The following TOGARAM2 variants were observed in gnomAD, a reference collection of about 807,000 sequenced individuals.
TOGARAM2 encodes TOG array regulator of axonemal microtubules protein 2.
In TOGARAM2, 85 loss-of-function variants were observed where a neutral mutation model predicts 93.3. The ratio of observed to expected loss-of-function variants is 0.91; its 90% CI spans 0.76 to 1.09. The LOEUF (loss-of-function observed/expected upper bound fraction) is 1.09, where lower values mean the gene tolerates loss of function less well. Ranked by LOEUF, TOGARAM2 falls within the 50% of genes least tolerant of loss-of-function variation. The pLI, the probability that TOGARAM2 is intolerant of heterozygous loss-of-function variation, is 0.00. For synonymous variants in TOGARAM2, 593 were observed against 552.8 expected (o/e 1.07, Z -1.02); for missense variants, 1,277 against 1,334.5 (o/e 0.96, Z 0.67).
intron 18 of TOGARAM2, among the ~76,000 whole-genome samples, chr2:29,037,420 G>A (rs1304918006): frequency 7.2e-5 from 11 of 152,218 alleles, no homozygotes; most frequent in Admixed American, 6.5e-4. Context: ...TCCCAAACAA[G>A]CCTTGCTTCA....
intron 10 of TOGARAM2, 95 bp from the exon 11 acceptor site, chr2:29,022,063 C>T: frequency 6.5e-7 from 1 of 1,534,522 alleles, no homozygotes; most frequent in Admixed American, 1.7e-5. Flanking sequence ...AGGGTGGTGG[C>T]ACGGCCTCCC....
At chr2:29,024,409 G>T in intron 13 of TOGARAM2, 35 bp downstream of exon 13, 1 of 1,482,308 alleles carries the variant, frequency 6.7e-7, no homozygotes, top group Non-Finnish European at 9.1e-7. Flanking sequence ...GGGCGGGGAA[G>T]TCAGGGAAGG....
upstream of TOGARAM2, among the ~76,000 whole-genome samples, chr2:28,977,173 CTTG>C (rs1475552237): frequency 3.9e-5 from 6 of 152,324 alleles, no homozygotes; most frequent in East Asian, 9.6e-4. Flanking sequence ...AGGGCAGGGA[CTTG>C]TTGGAGGGCA....
At chr2:29,027,388 T>G (rs1665468620) in intron 14 of TOGARAM2, among the ~76,000 whole-genome samples, 1 of 152,194 alleles carries the variant, frequency 6.6e-6, no homozygotes, top group Admixed American at 6.5e-5. Flanking sequence ...GAAGTCCCTA[T>G]TGTATTGGAG....
At chr2:28,983,913 G>A (rs1572630215) in intron 1 of TOGARAM2, among the ~76,000 whole-genome samples, 1 of 152,018 alleles carries the variant, frequency 6.6e-6, no homozygotes, top group Admixed American at 6.5e-5. Context: ...TTGAGCATCT[G>A]CCCCCAGCCA....
intron 1 of TOGARAM2, among the ~76,000 whole-genome samples, chr2:28,988,270 A>C (rs1347934150): frequency 6.6e-6 from 1 of 152,192 alleles, no homozygotes; most frequent in Non-Finnish European, 1.5e-5. Context: ...CTAAAGTCAG[A>C]ATATGTCTCC....
At chr2:29,015,676 C>T (rs1336049983) in intron 8 of TOGARAM2, among the ~76,000 whole-genome samples, 4 of 152,318 alleles carry the variant, frequency 2.6e-5, no homozygotes, top group Admixed American at 1.3e-4. Flanking sequence ...AATGCAGCCA[C>T]GGTTAGTCCT....
Position 29,004,720 on chromosome 2 carries a change from G to A in TOGARAM2, c.830+1038G>A, listed in dbSNP as rs115472521. Among the ~76,000 whole-genome samples the A allele has an allele frequency of 5.6e-3, 813 of 146,096 alleles. 7 individuals carry two copies. The highest frequency in any genetic ancestry group is 0.02 in the African/African-American group (782 of 39,300). On this transcript the variant is annotated intron_variant, in intron 6 of 19. Coordinates refer to ENST00000379558, the MANE Select transcript of TOGARAM2 (RefSeq NM_199280.4). The stretch of plus-strand genomic sequence containing the variant: ...CAAGAGTGTGTGTGTCTGAGTATGT[G>A]TATATGTGTGAGTGCATGCATGTGT...
chr2:29,005,188 AG>A (rs1673626914), intron 6 of TOGARAM2, among the ~76,000 whole-genome samples: 2 of 105,966 alleles, frequency 1.9e-5, no homozygotes, highest in African/African-American at 3.5e-5. Context: ...ATATGTGTGC[AG>A]TGTGTGTGTG....
chr2:29,001,195 C>T (rs1673276293), intron 4 of TOGARAM2, among the ~76,000 whole-genome samples: 1 of 152,170 alleles, frequency 6.6e-6, no homozygotes, highest in African/African-American at 2.4e-5. Flanking sequence ...CACTTGACCA[C>T]ACCCCTTCTT....
intron 14 of TOGARAM2, among the ~76,000 whole-genome samples, chr2:29,028,336 C>T (rs1007944257): frequency 1.8e-4 from 28 of 152,128 alleles, no homozygotes; most frequent in African/African-American, 6.8e-4. Context: ...CGGTTCCTCC[C>T]ATTCTCCCCT....
At chr2:28,989,519 C>T (rs1213224366) in intron 1 of TOGARAM2, among the ~76,000 whole-genome samples, 2 of 152,154 alleles carry the variant, frequency 1.3e-5, no homozygotes, top group African/African-American at 4.8e-5. Flanking sequence ...TGCCTCAGCA[C>T]CCCCAAGTAA....
At chr2:29,002,478 A>G (rs1572669829) in intron 4 of TOGARAM2, 58 bp from the exon 5 acceptor site, 1 of 1,509,886 alleles carries the variant, frequency 6.6e-7, no homozygotes, top group Non-Finnish European at 9.0e-7. Context: ...GTCTGAATCC[A>G]CCTTCCACTC....
intron 1 of TOGARAM2, among the ~76,000 whole-genome samples, chr2:28,963,963 C>T (rs1185649202): frequency 2.0e-5 from 3 of 152,058 alleles, no homozygotes; most frequent in South Asian, 2.1e-4. Flanking sequence ...GCCAAGATCG[C>T]GCCATTGCAC....
At chr2:28,998,872 G>A (rs561714263) in intron 3 of TOGARAM2, among the ~76,000 whole-genome samples, 7 of 152,232 alleles carry the variant, frequency 4.6e-5, no homozygotes, top group African/African-American at 1.7e-4. Flanking sequence ...GGAGATTGGT[G>A]GATGGTGGTC....
intron 2 of TOGARAM2, among the ~76,000 whole-genome samples, chr2:28,996,799 C>CA (rs1170607481): frequency 0.51 from 20,668 of 40,458 alleles, 5,990 homozygotes; most frequent in Non-Finnish European, 0.62. Context: ...GACTCCATCT[C>CA]AAAAAAAAAA....
intron 1 of TOGARAM2, among the ~76,000 whole-genome samples, chr2:28,966,991 G>T (rs1293756559): frequency 6.6e-6 from 1 of 152,168 alleles, no homozygotes; most frequent in Non-Finnish European, 1.5e-5. Context: ...TTTAAAGTCT[G>T]CAAGTCTGCA....
chr2:29,006,355 AGTGCATGTGT>A lies in TOGARAM2; in HGVS notation c.830+2684_830+2693del, dbSNP rs1305048672. The stretch of plus-strand genomic sequence containing the variant: ...ATGTGTGTGTATGTGTGTATGTGTG[AGTGCATGTGT>A]GTGCATGTGTATGTGTGTGAGTGCG... On this transcript the variant is annotated intron_variant, in intron 6 of 19. Coordinates refer to ENST00000379558, the MANE Select transcript of TOGARAM2 (RefSeq NM_199280.4). Among the ~76,000 whole-genome samples, 32 of 113,066 alleles carry A rather than the reference AGTGCATGTGT, an allele frequency of 2.8e-4. 1 individual carries two copies. The highest frequency in any genetic ancestry group is 2.1e-3 in the Admixed American group (24 of 11,430). The allele number at this position is 113,066 out of a possible 152,430, so 74.2% of individuals were successfully genotyped here.
At chr2:29,004,424 G>T (rs189309914) in intron 6 of TOGARAM2, among the ~76,000 whole-genome samples, 3 of 152,216 alleles carry the variant, frequency 2.0e-5, no homozygotes, top group Admixed American at 6.5e-5. Context: ...ACTTGAAAAG[G>T]GGTCTTCATA....
Sources: gnomAD v4.1 joint callset for allele counts (sites outside exome capture counted in the v4.1 genomes callset) on GRCh38, gnomAD v4.1.1 for gene constraint, MANE v1.5 for transcripts, NCBI Gene and HGNC (gene_info 2026-07-23, HGNC 2026-07-21) for gene names.